Variants in SCAMP1 observed in about 807,000 individuals in gnomAD.
The protein encoded by SCAMP1 is secretory carrier-associated membrane protein 1.
In SCAMP1, 15 loss-of-function variants were observed where a neutral mutation model predicts 41.8. The ratio of observed to expected loss-of-function variants is 0.36; its 90% confidence interval spans 0.24 to 0.55. The LOEUF is 0.55. Among genes scored for constraint, SCAMP1 ranks in the 20% least tolerant of loss-of-function variants. The pLI is 0.86. For missense variants in SCAMP1, 341 were observed against 412.6 expected (o/e 0.83, Z 1.50); for synonymous variants, 135 against 136.8 (o/e 0.99, Z 0.09).
At chr5:78,381,123 A>G (rs1439911136) in intron 1 of SCAMP1, among the ~76,000 whole-genome samples, 1 of 152,206 alleles carries the variant, frequency 6.6e-6, no homozygotes, top group African/African-American at 2.4e-5. Flanking sequence ...GGGGGAAGAA[A>G]AGGCTTGCAT....
intron 6 of SCAMP1, among the ~76,000 whole-genome samples, chr5:78,443,567 G>A (rs1752980487): frequency 6.6e-6 from 1 of 150,406 alleles, no homozygotes; most frequent in African/African-American, 2.4e-5. Context: ...CTGTGCTTTT[G>A]ACAAAGCATA....
chr5:78,467,210 A>G (rs563059445), intron 8 of SCAMP1, among the ~76,000 whole-genome samples: 1 of 152,304 alleles, frequency 6.6e-6, no homozygotes, highest in Non-Finnish European at 1.5e-5. Context: ...TAGAAAGTGT[A>G]TGGAGTCAGA....
chr5:78,362,192 A>G (rs1442283543), intron 1 of SCAMP1, among the ~76,000 whole-genome samples: 1 of 152,216 alleles, frequency 6.6e-6, no homozygotes, highest in Non-Finnish European at 1.5e-5. Flanking sequence ...GAGACCGTTC[A>G]TAAATTGTTA....
At position 78,412,413 on chromosome 5, in the gene SCAMP1, AT is replaced by A. The variant is rs565078291; in HGVS notation, c.136-3104del. Among the ~76,000 whole-genome samples the A allele has an allele frequency of 2.3e-3, 342 of 151,442 alleles. 2 individuals carry two copies. Among genetic ancestry groups the A allele is most frequent in the African/African-American group, 7.8e-3 (322 of 41,330 alleles). On this transcript the variant is annotated intron_variant, in intron 2 of 8. Transcript: ENST00000621999. ...TTTTTTAACATTCAATTTTTAATCC[AT>A]TTGGAATTCTTTTGAGATACAGGGA...
intron 1 of SCAMP1, among the ~76,000 whole-genome samples, 157 bp from the exon 2 acceptor site, chr5:78,388,680 T>C (rs549236170): frequency 6.6e-6 from 1 of 152,380 alleles, no homozygotes; most frequent in East Asian, 1.9e-4. Flanking sequence ...TTCACCATTG[T>C]TGAAATGAGA....
At chr5:78,361,942 A>C (rs1750665274) in intron 1 of SCAMP1, among the ~76,000 whole-genome samples, 1 of 152,216 alleles carries the variant, frequency 6.6e-6, no homozygotes, top group African/African-American at 2.4e-5. Context: ...ATTTTAATGA[A>C]ATGACCCTGA....
intron 8 of SCAMP1, among the ~76,000 whole-genome samples, chr5:78,470,801 C>T (rs954160466): frequency 2.2e-4 from 34 of 152,234 alleles, no homozygotes; most frequent in African/African-American, 7.2e-4. Flanking sequence ...TACATCCTTG[C>T]CAACACTTGT....
At chr5:78,444,330 C>T (rs1274409589) in intron 6 of SCAMP1, among the ~76,000 whole-genome samples, 2 of 152,150 alleles carry the variant, frequency 1.3e-5, no homozygotes, top group African/African-American at 4.8e-5. Context: ...GGAGGCCTCA[C>T]AATCATGGCA....
chr5:78,474,497 T>C (rs749268234), intron 8 of SCAMP1, among the ~76,000 whole-genome samples: 6 of 152,178 alleles, frequency 3.9e-5, no homozygotes, highest in Non-Finnish European at 8.8e-5. Context: ...TTCTCTGTCT[T>C]CTTGAAACTA....
At chr5:78,458,725 CA>C (rs1447766857) in intron 7 of SCAMP1, among the ~76,000 whole-genome samples, 3 of 152,012 alleles carry the variant, frequency 2.0e-5, no homozygotes, top group African/African-American at 7.3e-5. Context: ...ACTAAAGATA[CA>C]AAAAGTAGCC....
intron 1 of SCAMP1, among the ~76,000 whole-genome samples, chr5:78,382,284 TGTTGATGTTC>T (rs1435863928): frequency 6.6e-6 from 1 of 152,234 alleles, no homozygotes; most frequent in Non-Finnish European, 1.5e-5. Context: ...AGTTGACTTT[TGTTGATGTTC>T]ATTATGCTGA....
At chr5:78,384,842 A>G (rs1751303526) in intron 1 of SCAMP1, among the ~76,000 whole-genome samples, 2 of 152,078 alleles carry the variant, frequency 1.3e-5, no homozygotes, top group African/African-American at 4.8e-5. Flanking sequence ...ATGCTGTTGA[A>G]TTTGGTTAAC....
At chr5:78,404,475 C>CTTTTTTTT (rs1751884069) in intron 2 of SCAMP1, among the ~76,000 whole-genome samples, 1 of 39,096 alleles carries the variant, frequency 2.6e-5, no homozygotes. Context: ...TTTTTTTTTG[C>CTTTTTTTT]TAGGCTGACA....
At chr5:78,431,531 T>C (rs1474519896) in intron 6 of SCAMP1, among the ~76,000 whole-genome samples, 2 of 137,434 alleles carry the variant, frequency 1.5e-5, no homozygotes, top group Admixed American at 1.4e-4. Flanking sequence ...CCTTTCTTTT[T>C]GCCTTTTTTT....
intron 8 of SCAMP1, among the ~76,000 whole-genome samples, chr5:78,460,792 CCTTCCTTCCTT>C (rs1753575873): frequency 2.6e-4 from 9 of 34,618 alleles, no homozygotes; most frequent in Admixed American, 1.7e-3. Flanking sequence ...TTCCTTCCTT[CCTTCCTTCCTT>C]CCTCCCTTCC....
At chr5:78,447,123 G>C (rs1753070394) in intron 6 of SCAMP1, among the ~76,000 whole-genome samples, 2 of 152,206 alleles carry the variant, frequency 1.3e-5, no homozygotes, top group Admixed American at 1.3e-4. Context: ...TCTAATACCT[G>C]ATGATCTGAG....
At chr5:78,463,575 A>G (rs1238897559) in intron 8 of SCAMP1, among the ~76,000 whole-genome samples, 1 of 152,216 alleles carries the variant, frequency 6.6e-6, no homozygotes, top group Non-Finnish European at 1.5e-5. Flanking sequence ...TTTCTTAGTG[A>G]TAGATGTTCC....
chr5:78,405,155 T>A (rs999119806), intron 2 of SCAMP1, among the ~76,000 whole-genome samples: 1 of 152,246 alleles, frequency 6.6e-6, no homozygotes, highest in Admixed American at 6.5e-5. Flanking sequence ...AGTTTGTTCA[T>A]CTTTTCACTT....
intron 6 of SCAMP1, among the ~76,000 whole-genome samples, chr5:78,424,523 C>T (rs367813282): frequency 5.9e-5 from 9 of 152,048 alleles, no homozygotes; most frequent in African/African-American, 1.9e-4. Flanking sequence ...TGAGGTCAGG[C>T]GTTTGAGAAC....
Sources: allele counts gnomAD v4.1 joint callset (sites outside exome capture counted in the v4.1 genomes callset), GRCh38; gene constraint gnomAD v4.1.1; transcripts MANE v1.5; gene names NCBI Gene and HGNC (gene_info 2026-07-23, HGNC 2026-07-21).